Variants in NSMF observed in about 807,000 individuals in gnomAD.
NSMF encodes the protein NMDA receptor synaptonuclear signaling and neuronal migration factor.
In NSMF, 31 loss-of-function variants were observed where a neutral mutation model predicts 71.0. The observed-to-expected ratio is 0.44, with a 90% CI of 0.33 to 0.59. The LOEUF is 0.59. Among genes scored for constraint, NSMF ranks in the 20% least tolerant of loss-of-function variants. The probability of loss-of-function intolerance (pLI) is 0.04; values close to 1 mark genes in which losing one functional copy is unlikely to be tolerated. For missense variants in NSMF, 673 were observed against 740.5 expected (o/e 0.91, Z 1.06); for synonymous variants, 345 against 287.1 (o/e 1.20, Z -2.04).
rs1369183266 is a variant in NSMF, at chr9:137,457,514, G to A, written c.521C>T (p.Ala174Val). ...SKECPGCAQL[A>V]PGPTPRAFGL... ...AAAGGCCCGAGGGGTGGGGCCAGGA[G>A]CCAGCTGGGCACATCCGGGGCACTC... Residue 174 changes from alanine to valine, a missense_variant, in exon 3 of 16, where the codon GCT (alanine) becomes GTT (valine). Ala to Val is a moderately conservative substitution (Grantham distance 64, BLOSUM62 0). Coordinates refer to ENST00000371475, the MANE Select transcript of NSMF (RefSeq NM_001130969.3). 1 of 1,610,648 alleles carries A rather than the reference G, an allele frequency of 6.2e-7. No individual in the cohort carries two copies. The highest frequency in any genetic ancestry group is 2.2e-5 in the East Asian group (1 of 44,686).
Position 137,454,431 on chromosome 9 carries a change from T to C in NSMF, c.792A>G (p.Lys264=). ...SASVIQRNFR[K]HLRMVGSRRV... is the part of the protein sequence containing the mutation. ...TCCGGCTGCCGACCATGCGCAGGTG[T>C]TTGCGGAAGTTCCTGGGGGAGGAAG... The change falls in exon 7 of 16, where the codon AAA becomes AAG. Residue 264 remains lysine, a synonymous_variant. Coordinates refer to ENST00000371475, the MANE Select transcript of NSMF (RefSeq NM_001130969.3). 1 of 1,550,044 alleles carries C rather than the reference T, an allele frequency of 6.5e-7. No homozygotes were observed. Among genetic ancestry groups the C allele is most frequent in the Non-Finnish European group, 8.7e-7 (1 of 1,146,792 alleles).
chr9:137,456,734 C>G (rs186057690), intron 3 of NSMF, among the ~76,000 whole-genome samples: 1 of 152,338 alleles, frequency 6.6e-6, no homozygotes, highest in East Asian at 1.9e-4. Flanking sequence ...TTCCCTTTGG[C>G]CACCCAAAGT....
chr9:137,454,833 G>A (rs572154602), intron 6 of NSMF: 7 of 1,252,772 alleles, frequency 5.6e-6, no homozygotes, highest in East Asian at 3.4e-5. Context: ...ACCCCATGGC[G>A]GGCTGGGGGC....
chr9:137,452,201 C>A (rs1351539568), intron 12 of NSMF, among the ~76,000 whole-genome samples, 164 bp downstream of exon 12: 1 of 110,288 alleles, frequency 9.1e-6, no homozygotes, highest in African/African-American at 3.7e-5. Flanking sequence ...GGTCTCCACC[C>A]CCACGCCTCT....
intron 7 of NSMF, 67 bp downstream of exon 7, chr9:137,454,324 C>T: frequency 6.9e-7 from 1 of 1,448,522 alleles, no homozygotes; most frequent in Non-Finnish European, 9.5e-7. Context: ...TCGCAGCTAG[C>T]AGCAAGCAAA....
At chr9:137,456,811 C>T (rs757446721) in intron 3 of NSMF, among the ~76,000 whole-genome samples, 1 of 152,206 alleles carries the variant, frequency 6.6e-6, no homozygotes, top group Non-Finnish European at 1.5e-5. Context: ...GCGTCTGTTT[C>T]CCTTGGGCAG....
chr9:137,455,496 G>A, intron 5 of NSMF, 133 bp downstream of exon 5: 2 of 1,228,126 alleles, frequency 1.6e-6, no homozygotes, highest in Non-Finnish European at 2.3e-6. Context: ...GGTGCCCGCT[G>A]GGAGCCAGGC....
rs1294588186 is a variant in NSMF at position 137,455,647 on chromosome 9, C to A, written c.705-13G>T. 2 of 1,550,254 alleles carry A rather than the reference C, an allele frequency of 1.3e-6. No individual in the cohort carries two copies. The highest frequency in any genetic ancestry group is 2.7e-5 in the African/African-American group (2 of 73,048). The stretch of plus-strand genomic sequence containing the variant: ...TACTTACGAGATGCTGAAGCCAGGG[C>A]CAGAAGGGATGGCGTGAGAGAGAAG... On this transcript the variant is annotated splice_polypyrimidine_tract_variant and intron_variant, in intron 4 of 15. Coordinates refer to ENST00000371475, the MANE Select transcript of NSMF (RefSeq NM_001130969.3).
chr9:137,451,749 T>C (rs1209862907), intron 12 of NSMF, among the ~76,000 whole-genome samples: 1 of 34,918 alleles, frequency 2.9e-5, no homozygotes, highest in Non-Finnish European at 5.2e-5. Context: ...CCCCGCCACG[T>C]CTCTTCTCCT....
intron 3 of NSMF, 131 bp downstream of exon 3, chr9:137,457,275 TC>T: frequency 7.6e-7 from 1 of 1,323,602 alleles, no homozygotes; most frequent in Non-Finnish European, 1.1e-6. Flanking sequence ...CCGGTTTTAA[TC>T]TTGAGTCCGC....
At position 137,454,371 on chromosome 9, in the gene NSMF, C is replaced by A. The variant is rs1461119222; in HGVS notation, c.832+20G>T. ...CCAAGCGCAACGCCGCCCCCCCACC[C>A]CCGCCGCACGGGGTCTTACTCTGGG... On this transcript the variant is annotated intron_variant, in intron 7 of 15. Transcript: ENST00000371475. 20 of 1,549,454 alleles carry A rather than the reference C, an allele frequency of 1.3e-5. No individual in the cohort carries two copies. Among genetic ancestry groups the A allele is most frequent in the Non-Finnish European group, 1.7e-5 (20 of 1,146,548 alleles).
Position 137,455,272 on chromosome 9 carries a change from T to A in NSMF, c.746A>T (p.Lys249Ile). The A allele has an allele frequency of 6.2e-7, 1 of 1,612,808 alleles. No homozygotes were observed. The highest frequency in any genetic ancestry group is 8.5e-7 in the Non-Finnish European group (1 of 1,179,934). The change falls in exon 6 of 16, where the codon AAA becomes ATA. Residue 249 changes from lysine (K) to isoleucine (I), a missense_variant. This residue lies in a region of NSMF where 471 missense variants were observed against 459.6 expected (regional missense o/e 1.02). Transcript: ENST00000371475. ...FRGYAERKRR[K>I]RENDSASVIQ... ...TACAGACGCGGAATCATTCTCCCGT[T>A]TCCGGCGCTTCCTCTCCGCGTAGCC... is the stretch of plus-strand genomic sequence containing the variant.
chr9:137,455,194 C>T, intron 6 of NSMF, 45 bp downstream of exon 6: 1 of 1,597,492 alleles, frequency 6.3e-7, no homozygotes, highest in African/African-American at 1.3e-5. Flanking sequence ...CAGGCCAGCA[C>T]AGACCAGAGA....
In NSMF at chr9:137,457,628, C is replaced by T. The variant is rs1830905988; in HGVS notation, c.407G>A (p.Ser136Asn). 6.5e-7 allele frequency: 1 copy of T among 1,550,340 alleles called. No homozygotes were observed. The highest frequency in any genetic ancestry group is 1.2e-5 in the South Asian group (1 of 84,524). Residue 136 changes from serine to asparagine, a missense_variant, in exon 3 of 16, where the codon AGC (serine) becomes AAC (asparagine). Ser to Asn is a conservative substitution (Grantham distance 46, BLOSUM62 1). This residue lies in a region of NSMF where 471 missense variants were observed against 459.6 expected (regional missense o/e 1.02). Transcript: ENST00000371475. The stretch of plus-strand genomic sequence containing the variant: ...ACCAGGGCTGGCGCGCAGGGGCTGG[C>T]TGTGATGGTGAGGGTGCCGCTGCCG... ...GRRQRHPHHH[S>N]QPLRASPGGS...
chr9:137,459,127 G>A lies in NSMF; in HGVS notation c.-25C>T, dbSNP rs1418436650. The A allele has an allele frequency of 5.0e-6, 6 of 1,198,484 alleles. No individual in the cohort carries two copies. The highest frequency in any genetic ancestry group is 7.1e-5 in the East Asian group (2 of 28,270). The allele number at this position is 1,198,484 out of a possible 1,614,324, so 74.2% of individuals were successfully genotyped here. ...TGGTCGAGGCGGCGGCGCATCCCCC[G>A]GGCCTCAGAGCGCGCCCCGCGCCCG... On this transcript the variant is annotated 5_prime_UTR_variant, in exon 1 of 16. Coordinates refer to ENST00000371475, the MANE Select transcript of NSMF (RefSeq NM_001130969.3).
chr9:137,457,265 C>G (rs1362469451), intron 3 of NSMF, 142 bp downstream of exon 3: 1 of 1,231,522 alleles, frequency 8.1e-7, no homozygotes, highest in Non-Finnish European at 1.2e-6. Context: ...CAGAAGCCTG[C>G]CGGTTTTAAT....
In NSMF at chr9:137,450,088, C is replaced by G. The variant is rs528661439; in HGVS notation, c.1317-63G>C. The stretch of plus-strand genomic sequence containing the variant: ...AGGCACCCCACTCCACAGAGCGGAC[C>G]GTGGAGGAGGGGCTGTGGGGGAGGG... On this transcript the variant is annotated intron_variant, in intron 13 of 15. Coordinates refer to ENST00000371475, the MANE Select transcript of NSMF (RefSeq NM_001130969.3). 2.4e-5 allele frequency: 37 copies of G among 1,574,410 alleles called. 1 individual carries two copies. In the Admixed American group the frequency reaches 4.7e-4, roughly 20 times the overall value.
intron 4 of NSMF, 58 bp from the exon 5 acceptor site, chr9:137,455,692 G>A (rs780708015): frequency 3.2e-6 from 5 of 1,545,698 alleles, no homozygotes; most frequent in South Asian, 1.2e-5. Context: ...GCTCAACCCC[G>A]GGCCTCCCCT....
In NSMF at chr9:137,447,766, C is replaced by G. The variant is rs1403163746; in HGVS notation, c.*1628G>C. 6.6e-6 allele frequency: 1 copy of G among 151,872 alleles called. No individual in the cohort carries two copies. Among genetic ancestry groups the G allele is most frequent in the Admixed American group, 6.6e-5 (1 of 15,258 alleles). 9.4% of individuals were successfully genotyped at this position (151,872 alleles called of 1,614,324 possible). A position where few individuals can be genotyped will look rare whatever the true frequency, so the allele number is the denominator to read the frequency against. ...CCCCCTGACCCTAGCCCAGCTGATA[C>G]GTGCTGCTCTGTCCCCCAGCCACGG... On this transcript the variant is annotated 3_prime_UTR_variant, in exon 16 of 16. Transcript: ENST00000371475.
Sources: gnomAD v4.1 joint callset for allele counts (sites outside exome capture counted in the v4.1 genomes callset) on GRCh38, gnomAD v4.1.1 for gene constraint, gnomAD v4.1.1 regional missense constraint, MANE v1.5 for transcripts, NCBI Gene and HGNC (gene_info 2026-07-23, HGNC 2026-07-21) for gene names.